The following PCCB variants were observed in gnomAD, a reference collection of about 807,000 sequenced individuals.
PCCB encodes the protein propionyl-CoA carboxylase subunit beta.
Under a neutral mutation model 60.7 loss-of-function variants are expected in PCCB, and 43 were observed. The observed-to-expected ratio is 0.71, with a 90% CI of 0.55 to 0.91. PCCB has a LOEUF of 0.91. Ranked by LOEUF, PCCB falls within the 40% of genes least tolerant of loss-of-function variation. The probability of loss-of-function intolerance (pLI) is 0.00; values close to 1 mark genes in which losing one functional copy is unlikely to be tolerated. For synonymous variants in PCCB, 276 were observed against 255.9 expected (o/e 1.08, Z -0.75); for missense variants, 766 against 702.8 (o/e 1.09, Z -1.02).
At chr3:136,253,728 T>C (rs1941591368) in intron 1 of PCCB, among the ~76,000 whole-genome samples, 1 of 148,088 alleles carries the variant, frequency 6.8e-6, no homozygotes, top group African/African-American at 2.5e-5. Context: ...TGGAGGGCAG[T>C]GGTGTAATCA....
At chr3:136,260,262 G>A (rs1188873102) in intron 3 of PCCB, 1 of 627,822 alleles carries the variant, frequency 1.6e-6, no homozygotes, top group Non-Finnish European at 2.9e-6. Flanking sequence ...ATTTTTTGCA[G>A]ATACGGGCTT....
chr3:136,264,563 A>G (rs953568764), intron 5 of PCCB, among the ~76,000 whole-genome samples: 1 of 151,416 alleles, frequency 6.6e-6, no homozygotes, highest in Non-Finnish European at 1.5e-5. Flanking sequence ...TTTGTTCTCC[A>G]TGATCTTGAT....
At chr3:136,250,600 C>T (rs1364206445) in intron 1 of PCCB, 42 bp downstream of exon 1, 3 of 1,570,144 alleles carry the variant, frequency 1.9e-6, no homozygotes, top group Admixed American at 1.8e-5. Context: ...CCCTGGCGTC[C>T]GCGACCTATC....
intron 10 of PCCB, among the ~76,000 whole-genome samples, chr3:136,322,211 A>G (rs1199065471): frequency 6.6e-6 from 1 of 152,148 alleles, no homozygotes; most frequent in East Asian, 1.9e-4. Flanking sequence ...TTTTGTATTC[A>G]TATGATCATG....
chr3:136,295,058 G>A (rs1933871680), intron 7 of PCCB, among the ~76,000 whole-genome samples: 1 of 152,250 alleles, frequency 6.6e-6, no homozygotes, highest in Non-Finnish European at 1.5e-5. Flanking sequence ...TATTAGTGAA[G>A]ACATGTTAGC....
intron 7 of PCCB, 74 bp downstream of exon 7, chr3:136,293,938 G>C: frequency 1.1e-6 from 1 of 885,872 alleles, no homozygotes; most frequent in Non-Finnish European, 1.9e-6. Flanking sequence ...CCTGGTGGCA[G>C]TTTTTAAGAA....
At chr3:136,328,922 A>G in intron 14 of PCCB, 65 bp downstream of exon 14, 5 of 1,301,898 alleles carry the variant, frequency 3.8e-6, no homozygotes, top group Non-Finnish European at 5.6e-6. Context: ...CTTTCTCTAC[A>G]GAAATTGTCA....
intron 14 of PCCB, among the ~76,000 whole-genome samples, chr3:136,329,397 G>T (rs908763696): frequency 6.6e-6 from 1 of 152,186 alleles, no homozygotes; most frequent in African/African-American, 2.4e-5. Context: ...TGTCCCGAGA[G>T]TAGCAAGGGG....
At chr3:136,281,210 C>G (rs528933332) in intron 5 of PCCB, among the ~76,000 whole-genome samples, 5 of 151,992 alleles carry the variant, frequency 3.3e-5, no homozygotes, top group African/African-American at 1.2e-4. Context: ...TTCTTCAAAT[C>G]TTTGACCCTT....
intron 3 of PCCB, chr3:136,259,317 T>C: frequency 2.3e-6 from 1 of 427,590 alleles, no homozygotes; most frequent in Non-Finnish European, 4.0e-6. Flanking sequence ...ATACAAAAAT[T>C]AGCTGGGCCT....
intron 5 of PCCB, among the ~76,000 whole-genome samples, chr3:136,266,163 C>G (rs1229146897): frequency 2.0e-5 from 3 of 147,928 alleles, no homozygotes; most frequent in African/African-American, 7.5e-5. Context: ...GAGTCTCACT[C>G]TGTGGCCCAG....
rs986868233 is a variant in PCCB at position 136,281,108 on chromosome 3, C to G, written c.544-2729C>G. ...GACTATAATATGTCTCCGTGTAGAT[C>G]TCTTTGAGTTCATACTGCTTGGAGT... On this transcript the variant is annotated intron_variant, in intron 5 of 14. Transcript: ENST00000251654. Among the ~76,000 whole-genome samples, 4 of 152,120 alleles carry G rather than the reference C, an allele frequency of 2.6e-5. No individual in the cohort carries two copies. The South Asian group carries it at 6.3e-4, about 24-fold the overall frequency.
Position 136,250,484 on chromosome 3 carries a change from G to C in PCCB, c.109G>C (p.Glu37Gln). ...SLCSQATSVN[E>Q]RIENKRRTAL... is the part of the protein sequence containing the mutation. ...TTGCAGCCAGGCCACCTCTGTTAACGAACGCATCGAAAACAAGCGCCGGAC... is the reference window on the plus strand; with the variant it reads ...TTGCAGCCAGGCCACCTCTGTTAACCAACGCATCGAAAACAAGCGCCGGAC... Residue 37 changes from glutamate (E) to glutamine (Q), a missense_variant, in exon 1 of 15, where the codon GAA (glutamate) becomes CAA (glutamine). Physicochemically the swap from Glu to Gln is conservative, Grantham distance 29. Coordinates refer to ENST00000251654, the MANE Select transcript of PCCB (RefSeq NM_000532.5). 1.2e-6 allele frequency: 2 copies of C among 1,612,600 alleles called. No individual in the cohort carries two copies. The highest frequency in any genetic ancestry group is 8.5e-7 in the Non-Finnish European group (1 of 1,179,502).
At chr3:136,263,499 T>C (rs1299510823) in intron 5 of PCCB, among the ~76,000 whole-genome samples, 2 of 151,824 alleles carry the variant, frequency 1.3e-5, no homozygotes, top group Non-Finnish European at 2.9e-5. Flanking sequence ...CTTGAACTTC[T>C]GGACTCAAGC....
chr3:136,308,991 G>A lies in PCCB; in HGVS notation c.966+7880G>A, dbSNP rs572862843. On this transcript the variant is annotated intron_variant, in intron 9 of 14. Transcript: ENST00000251654. ...GAAGGAAAATAAACAGGCCAGGTGC[G>A]GTGGCTCACACATGTAATCCCAGCA... Among the ~76,000 whole-genome samples the A allele has an allele frequency of 4.6e-5, 7 of 152,192 alleles. No individual in the cohort carries two copies. The South Asian group carries it at 1.0e-3, about 23-fold the overall frequency.
rs527989097 is a variant in PCCB, at chr3:136,306,597, C to T, written c.966+5486C>T. 6.3e-4 allele frequency among the ~76,000 whole-genome samples: 77 copies of T among 122,542 alleles called. 5 individuals carry two copies. Among genetic ancestry groups the T allele is most frequent in the African/African-American group, 1.9e-3 (75 of 40,234 alleles). The allele number at this position is 122,542 out of a possible 152,430, so 80.4% of individuals were successfully genotyped here. A position where few individuals can be genotyped will look rare whatever the true frequency, so the allele number is the denominator to read the frequency against. On this transcript the variant is annotated intron_variant, in intron 9 of 14. Transcript: ENST00000251654. ...AGCTTTAGTCATCCTACACTGTATA[C>T]ATATATGAAAACATGTACGTTGTAC...
intron 1 of PCCB, among the ~76,000 whole-genome samples, chr3:136,254,678 A>T (rs1226772959): frequency 6.7e-6 from 1 of 149,342 alleles, no homozygotes; most frequent in African/African-American, 2.5e-5. Flanking sequence ...GATTACAGGC[A>T]CGTGCCACCA....
intron 1 of PCCB, chr3:136,251,152 G>C (rs1247718166): frequency 4.4e-6 from 2 of 451,870 alleles, no homozygotes; most frequent in Non-Finnish European, 8.9e-6. Flanking sequence ...GTCGGAAGCA[G>C]GTGGCCTTTC....
At chr3:136,296,928 C>T (rs1933965862) in intron 7 of PCCB, among the ~76,000 whole-genome samples, 1 of 152,200 alleles carries the variant, frequency 6.6e-6, no homozygotes, top group South Asian at 2.1e-4. Context: ...AAAAGAAAGA[C>T]ACCTGCCCAT....
Sources: allele counts gnomAD v4.1 joint callset (sites outside exome capture counted in the v4.1 genomes callset), GRCh38; gene constraint gnomAD v4.1.1; transcripts MANE v1.5; gene names NCBI Gene and HGNC (gene_info 2026-07-23, HGNC 2026-07-21).